HEG1: variants seen among roughly 807,000 people sequenced by gnomAD.
HEG1 encodes the protein protein HEG homolog 1.
A neutral mutation model predicts 125.6 loss-of-function variants in HEG1; 56 were observed. That is an observed-to-expected ratio of 0.45 (90% CI 0.36 to 0.56). The LOEUF (loss-of-function observed/expected upper bound fraction) is 0.56, where lower values mean the gene tolerates loss of function less well. Among genes scored for constraint, HEG1 ranks in the 20% least tolerant of loss-of-function variants. The probability of loss-of-function intolerance (pLI) is 0.00; values close to 1 mark genes in which losing one functional copy is unlikely to be tolerated. For synonymous variants in HEG1, 644 were observed against 668.5 expected (o/e 0.96, Z 0.57); for missense variants, 1,523 against 1,670.0 (o/e 0.91, Z 1.53).
intron 9 of HEG1, among the ~76,000 whole-genome samples, chr3:125,003,999 T>C (rs1293962368): frequency 2.6e-5 from 4 of 152,204 alleles, no homozygotes. Flanking sequence ...GAAATTGGTA[T>C]CAGTAGTGAT....
chr3:125,041,364 T>G (rs947898572), intron 1 of HEG1, among the ~76,000 whole-genome samples: 1 of 152,224 alleles, frequency 6.6e-6, no homozygotes, highest in Non-Finnish European at 1.5e-5. Flanking sequence ...AAATCTGCAA[T>G]ACACCAATGA....
intron 3 of HEG1, among the ~76,000 whole-genome samples, chr3:125,025,297 A>G (rs1641710754): frequency 6.6e-6 from 1 of 152,218 alleles, no homozygotes; most frequent in Non-Finnish European, 1.5e-5. Context: ...GGAGGTTGGC[A>G]GGATGGATTC....
At chr3:124,993,549 G>C (rs994037154) in intron 12 of HEG1, among the ~76,000 whole-genome samples, 4 of 152,126 alleles carry the variant, frequency 2.6e-5, no homozygotes, top group Admixed American at 6.5e-5. Flanking sequence ...GTGGGAGTGG[G>C]GGAAGCTACC....
At position 125,012,795 on chromosome 3, in the gene HEG1, G is replaced by C. The variant is rs765927603; in HGVS notation, c.2784C>G (p.Thr928=). The part of the protein sequence containing the change: ...TSVPTSAKEM[T]TKLGVTAEYS... ...ACTCTGCTGTAACGCCAAGCTTTGT[G>C]GTCATTTCTTTTGCTGATGTGGGTA... Residue 928 remains threonine (T), a synonymous_variant, in exon 6 of 17, where the codon ACC becomes ACG. Coordinates refer to ENST00000311127, the MANE Select transcript of HEG1 (RefSeq NM_020733.2). 3.1e-6 allele frequency: 5 copies of C among 1,614,016 alleles called. No individual in the cohort carries two copies. The highest frequency in any genetic ancestry group is 4.2e-6 in the Non-Finnish European group (5 of 1,179,900).
At position 125,012,658 on chromosome 3, in the gene HEG1, G is replaced by A; in HGVS notation, c.2921C>T (p.Thr974Ile). 1 of 1,613,806 alleles carries A rather than the reference G, an allele frequency of 6.2e-7. No homozygotes were observed. Among genetic ancestry groups the A allele is most frequent in the Non-Finnish European group, 8.5e-7 (1 of 1,179,834 alleles). Residue 974 changes from threonine (T) to isoleucine (I), a missense_variant, in exon 6 of 17, where the codon ACA becomes ATA. Thr to Ile is a moderately conservative substitution (Grantham distance 89). Transcript: ENST00000311127. ...AGAGGACACTGTTGTTGGTGACTGT[G>A]TGCTGCTCTGAACAGCAAAGGTGGC... ...KSATFAVQSSTQSPTTVSSSA... is the reference protein window; with the variant it reads ...KSATFAVQSSIQSPTTVSSSA...
intron 3 of HEG1, 21 bp downstream of exon 3, chr3:125,027,184 A>G (rs772600781): frequency 7.1e-6 from 11 of 1,555,060 alleles, no homozygotes; most frequent in Non-Finnish European, 9.6e-6. Context: ...CCGAGTGTTA[A>G]GCTGGGTATG....
At chr3:124,998,286 C>A (rs1409745516) in intron 11 of HEG1, among the ~76,000 whole-genome samples, 1 of 152,222 alleles carries the variant, frequency 6.6e-6, no homozygotes, top group African/African-American at 2.4e-5. Flanking sequence ...AGTGGAAGTA[C>A]ATCTCAGCTC....
At chr3:124,998,969 T>G (rs1468899129) in intron 11 of HEG1, among the ~76,000 whole-genome samples, 3 of 152,160 alleles carry the variant, frequency 2.0e-5, no homozygotes, top group African/African-American at 7.2e-5. Flanking sequence ...CCAGGCATGG[T>G]CTCCCATTTC....
rs767089733 is a variant in HEG1, at chr3:125,019,428, A to AG, written c.1421dup (p.Ser475PhefsTer4). On this transcript the variant is annotated frameshift_variant, in exon 5 of 17. Coordinates refer to ENST00000311127, the MANE Select transcript of HEG1 (RefSeq NM_020733.2). LOFTEE classifies it high-confidence loss of function. The stretch of plus-strand genomic sequence containing the variant: ...AAGCATTCACACCTTCAGGATATGA[A>AG]GCAGAGCTTCCTGTCACATCTGCAG... 1.2e-6 allele frequency: 2 copies of AG among 1,614,050 alleles called. No homozygotes were observed. Among genetic ancestry groups the AG allele is most frequent in the Admixed American group, 3.3e-5 (2 of 60,030 alleles).
chr3:125,019,912 T>C (rs190579442), intron 4 of HEG1, among the ~76,000 whole-genome samples: 85 of 152,326 alleles, frequency 5.6e-4, no homozygotes, highest in Admixed American at 2.5e-3. Flanking sequence ...AGTGAGTGTG[T>C]GGTTATGTAC....
intron 6 of HEG1, among the ~76,000 whole-genome samples, chr3:125,011,286 C>T (rs1423155556): frequency 6.6e-6 from 1 of 151,772 alleles, no homozygotes; most frequent in East Asian, 1.9e-4. Flanking sequence ...ATGAGCTAAA[C>T]CTAAAGATGG....
At chr3:125,032,152 C>T (rs948556891) in intron 1 of HEG1, among the ~76,000 whole-genome samples, 4 of 152,144 alleles carry the variant, frequency 2.6e-5, no homozygotes, top group Non-Finnish European at 4.4e-5. Context: ...CTGGTGGCTG[C>T]GTCAACCACA....
chr3:124,981,486 C>T (rs1465352621), intron 14 of HEG1, among the ~76,000 whole-genome samples: 3 of 152,124 alleles, frequency 2.0e-5, no homozygotes, highest in Non-Finnish European at 2.9e-5. Flanking sequence ...CTCAAACTCC[C>T]GTCTGCGTCT....
chr3:125,009,562 C>A (rs1937120726), intron 8 of HEG1, 143 bp downstream of exon 8: 2 of 761,382 alleles, frequency 2.6e-6, no homozygotes, highest in Non-Finnish European at 4.0e-6. Context: ...GAATAATGGA[C>A]AATAGCTTCC....
At position 125,033,191 on chromosome 3, in the gene HEG1, C is replaced by T. The variant is rs144161592; in HGVS notation, c.317-3703G>A. On this transcript the variant is annotated intron_variant, in intron 1 of 16. Coordinates refer to ENST00000311127, the MANE Select transcript of HEG1 (RefSeq NM_020733.2). ...ATTTCTAAAAGCACTGCTGAGCTGG[C>T]AAGTAAGTAAAGAATCAAATCTGAG... Among the ~76,000 whole-genome samples the T allele has an allele frequency of 2.0e-5, 3 of 152,166 alleles. No individual in the cohort carries two copies. The East Asian group carries it at 5.8e-4, about 29-fold the overall frequency.
At position 125,055,687 on chromosome 3, in the gene HEG1, C is replaced by T. The variant is rs1474121747; in HGVS notation, c.204G>A (p.Pro68=). The T allele has an allele frequency of 1.8e-5, 20 of 1,115,146 alleles. No homozygotes were observed. Among genetic ancestry groups the T allele is most frequent in the African/African-American group, 1.7e-4 (10 of 60,050 alleles). The allele number at this position is 1,115,146 out of a possible 1,614,324, so 69.1% of individuals were successfully genotyped here. A position where few individuals can be genotyped will look rare whatever the true frequency, so the allele number is the denominator to read the frequency against. Residue 68 remains proline (P), a synonymous_variant, in exon 1 of 17, where the codon CCG becomes CCA. Transcript: ENST00000311127. ...TCGCGGGCCCGCGGCGCTCCCGGGG[C>T]GGCGTGGGCGGCGGCTCGCGCTCCG... is the stretch of plus-strand genomic sequence containing the variant. ...RRPEREPPPT[P]PRERRGPATP... is the part of the protein sequence containing the mutation.
chr3:125,010,655 C>G, intron 6 of HEG1, 100 bp from the exon 7 acceptor site: 1 of 798,428 alleles, frequency 1.3e-6, no homozygotes, highest in Non-Finnish European at 2.0e-6. Flanking sequence ...TTGATTCTTG[C>G]TTATTTCTGT....
Position 125,021,096 on chromosome 3 carries a change from A to T in HEG1, c.948T>A (p.Thr316=), listed in dbSNP as rs900010419. The T allele has an allele frequency of 4.4e-6, 7 of 1,589,178 alleles. No homozygotes were observed. The African/African-American group carries it at 8.0e-5, about 18-fold the overall frequency. Reference sequence around the variant, plus strand: ...GACTGACTGAGGAGCTCTGGAGGCCAGTGGAGTTGTTAAGCTTCTCTGTAC... The same window carrying T: ...GACTGACTGAGGAGCTCTGGAGGCCTGTGGAGTTGTTAAGCTTCTCTGTAC... The part of the protein sequence containing the change: ...SESTEKLNNS[T]GLQSSSVSQT... Residue 316 remains threonine, a synonymous_variant, in exon 4 of 17, where the codon ACT becomes ACA. Coordinates refer to ENST00000311127, the MANE Select transcript of HEG1 (RefSeq NM_020733.2).
intron 1 of HEG1, among the ~76,000 whole-genome samples, chr3:125,031,016 A>G (rs1308817826): frequency 6.6e-6 from 1 of 152,244 alleles, no homozygotes; most frequent in African/African-American, 2.4e-5. Flanking sequence ...GTTAACTTCC[A>G]TAACACCCAA....
Sources: allele counts gnomAD v4.1 joint callset (sites outside exome capture counted in the v4.1 genomes callset), GRCh38; gene constraint gnomAD v4.1.1; transcripts MANE v1.5; gene names NCBI Gene and HGNC (gene_info 2026-07-23, HGNC 2026-07-21).